The following SNX29 variants were observed in gnomAD, a reference collection of about 807,000 sequenced individuals.
SNX29 encodes the protein sorting nexin 29.
In SNX29, 78 loss-of-function variants were observed where a neutral mutation model predicts 102.1. The observed-to-expected ratio is 0.76, with a 90% CI of 0.64 to 0.92. The LOEUF (loss-of-function observed/expected upper bound fraction) is 0.92, where lower values mean the gene tolerates loss of function less well. Ranked by LOEUF, SNX29 falls within the 40% of genes least tolerant of loss-of-function variation. The pLI, the probability that SNX29 is intolerant of heterozygous loss-of-function variation, is 0.00. For synonymous variants in SNX29, 580 were observed against 414.5 expected (o/e 1.40, Z -4.85); for missense variants, 1,280 against 1,061.7 (o/e 1.21, Z -2.86).
intron 19 of SNX29, among the ~76,000 whole-genome samples, chr16:12,479,597 C>A (rs1023170280): frequency 6.6e-6 from 1 of 152,144 alleles, no homozygotes; most frequent in Non-Finnish European, 1.5e-5. Flanking sequence ...TATACTTGTT[C>A]ATAGCAAAGA....
chr16:12,560,530 A>G (rs1017780928), intron 20 of SNX29, among the ~76,000 whole-genome samples: 2 of 151,962 alleles, frequency 1.3e-5, no homozygotes, highest in African/African-American at 4.8e-5. Flanking sequence ...TTCCAAGACC[A>G]TTTCTATTTC....
chr16:12,214,032 T>C (rs766447361), intron 14 of SNX29, among the ~76,000 whole-genome samples: 2 of 152,162 alleles, frequency 1.3e-5, no homozygotes, highest in Non-Finnish European at 2.9e-5. Flanking sequence ...TGTTGGGTCA[T>C]AGCTGCAAGA....
At chr16:12,537,601 C>G (rs1010328228) in intron 20 of SNX29, among the ~76,000 whole-genome samples, 1 of 152,118 alleles carries the variant, frequency 6.6e-6, no homozygotes, top group African/African-American at 2.4e-5. Flanking sequence ...TTCAAACTCT[C>G]ACTTCAGTCC....
chr16:12,377,441 GT>G (rs1376835043), intron 16 of SNX29, among the ~76,000 whole-genome samples: 1 of 152,158 alleles, frequency 6.6e-6, no homozygotes, highest in Non-Finnish European at 1.5e-5. Context: ...GAAATTACAT[GT>G]CACATCTCTC....
chr16:12,536,217 A>G (rs1230371748), intron 20 of SNX29, among the ~76,000 whole-genome samples: 2 of 152,144 alleles, frequency 1.3e-5, no homozygotes, highest in Non-Finnish European at 2.9e-5. Flanking sequence ...GCTGAGTAAG[A>G]ACAGGATTTC....
chr16:12,143,888 A>G (rs975307933), intron 13 of SNX29, among the ~76,000 whole-genome samples: 8 of 152,226 alleles, frequency 5.3e-5, no homozygotes, highest in Non-Finnish European at 1.0e-4. Flanking sequence ...GCTGCCCTCC[A>G]GACCAATTAA....
intron 20 of SNX29, among the ~76,000 whole-genome samples, chr16:12,562,607 C>T (rs767562203): frequency 9.2e-5 from 14 of 152,188 alleles, no homozygotes; most frequent in African/African-American, 3.4e-4. Context: ...AGGTCGCTGG[C>T]TCTTGAGAGC....
intron 4 of SNX29, among the ~76,000 whole-genome samples, chr16:12,038,009 C>G (rs2057524499): frequency 6.6e-6 from 1 of 151,446 alleles, no homozygotes; most frequent in South Asian, 2.1e-4. Flanking sequence ...AAACCCCAAA[C>G]AAGGAAAAGG....
At chr16:12,509,379 C>G (rs113602965) in intron 19 of SNX29, among the ~76,000 whole-genome samples, 1 of 152,092 alleles carries the variant, frequency 6.6e-6, no homozygotes. Context: ...TGGGGAGGCA[C>G]GGGGAGCGGA....
Position 12,574,134 on chromosome 16 carries a change from AGG to A in SNX29, c.*5506_*5507del, listed in dbSNP as rs1405731491. The A allele has an allele frequency of 1.1e-5, 2 of 183,390 alleles. No individual in the cohort carries two copies. The highest frequency in any genetic ancestry group is 6.2e-5 in the Admixed American group (1 of 16,006). The allele number at this position is 183,390 out of a possible 1,614,324, so 11.4% of individuals were successfully genotyped here. On this transcript the variant is annotated 3_prime_UTR_variant, in exon 21 of 21. Coordinates refer to ENST00000566228, the MANE Select transcript of SNX29 (RefSeq NM_032167.5). ...CCTCTTATGTTAAGGTTTACATAAT[AGG>A]ATTTTTAAACAAATGTGTTTAATTT...
intron 19 of SNX29, among the ~76,000 whole-genome samples, chr16:12,521,947 C>G (rs1293144499): frequency 6.6e-6 from 1 of 152,190 alleles, no homozygotes; most frequent in Non-Finnish European, 1.5e-5. Context: ...TGGAGTGGCT[C>G]TCAGCAGTGT....
intron 11 of SNX29, among the ~76,000 whole-genome samples, chr16:12,094,238 G>C (rs1290531643): frequency 6.6e-6 from 1 of 152,144 alleles, no homozygotes; most frequent in African/African-American, 2.4e-5. Context: ...AGCTATCGAA[G>C]GGTGTTATAT....
At chr16:12,198,675 C>T (rs575350238) in intron 13 of SNX29, among the ~76,000 whole-genome samples, 25 of 152,148 alleles carry the variant, frequency 1.6e-4, no homozygotes, top group Non-Finnish European at 3.2e-4. Context: ...TCCTTGTGGG[C>T]CTTGGGGGCA....
intron 10 of SNX29, among the ~76,000 whole-genome samples, chr16:12,073,227 C>G (rs574956328): frequency 5.3e-5 from 8 of 152,102 alleles, no homozygotes; most frequent in Admixed American, 5.2e-4. Flanking sequence ...AATGTGTTTG[C>G]TCTTGCTTTT....
At chr16:12,527,398 C>A (rs1379943413) in intron 20 of SNX29, 3 of 474,828 alleles carry the variant, frequency 6.3e-6, no homozygotes, top group South Asian at 1.8e-5. Context: ...AGGAAATAAA[C>A]CCCCAAAGCA....
At chr16:12,162,989 C>G (rs2055854071) in intron 13 of SNX29, among the ~76,000 whole-genome samples, 1 of 152,144 alleles carries the variant, frequency 6.6e-6, no homozygotes, top group African/African-American at 2.4e-5. Flanking sequence ...TTAAGTGATT[C>G]TCTCACCTCA....
At chr16:12,437,119 A>G (rs1303032016) in intron 18 of SNX29, among the ~76,000 whole-genome samples, 1 of 152,256 alleles carries the variant, frequency 6.6e-6, no homozygotes, top group Non-Finnish European at 1.5e-5. Context: ...GCGTGTGCAT[A>G]AAGAATCATG....
At chr16:12,543,450 C>T (rs1016513170) in intron 20 of SNX29, among the ~76,000 whole-genome samples, 3 of 152,338 alleles carry the variant, frequency 2.0e-5, no homozygotes, top group Admixed American at 6.5e-5. Context: ...TATGTTCATG[C>T]TGCGGGGTCT....
At chr16:12,544,233 A>G (rs75883870) in intron 20 of SNX29, among the ~76,000 whole-genome samples, 6 of 152,308 alleles carry the variant, frequency 3.9e-5, no homozygotes. Flanking sequence ...TCACCACACC[A>G]AGATTGAAAC....
Sources: gnomAD v4.1 joint callset for allele counts (sites outside exome capture counted in the v4.1 genomes callset) on GRCh38, gnomAD v4.1.1 for gene constraint, MANE v1.5 for transcripts, NCBI Gene and HGNC (gene_info 2026-07-23, HGNC 2026-07-21) for gene names.